CNTNAP5: variants seen among roughly 807,000 people sequenced by gnomAD.
CNTNAP5 encodes the protein contactin-associated protein-like 5.
CNTNAP5 carries 72 observed loss-of-function variants against 150.2 expected under a neutral mutation model. The observed-to-expected ratio is 0.48, with a 90% CI of 0.40 to 0.58. The LOEUF (loss-of-function observed/expected upper bound fraction) is 0.58. CNTNAP5 is among the 20% of genes least tolerant of loss of function. CNTNAP5 has a pLI of 0.00. For synonymous variants in CNTNAP5, 672 were observed against 619.8 expected (o/e 1.08, Z -1.25); for missense variants, 1,636 against 1,626.2 (o/e 1.01, Z -0.10).
intron 11 of CNTNAP5, among the ~76,000 whole-genome samples, chr2:124,585,978 C>T (rs1696527569): frequency 6.6e-6 from 1 of 152,076 alleles, no homozygotes; most frequent in Admixed American, 6.6e-5. Context: ...AAAGTGTGAA[C>T]CTCCTCACAC....
At chr2:124,811,681 C>T (rs1457291905) in intron 19 of CNTNAP5, among the ~76,000 whole-genome samples, 1 of 128,160 alleles carries the variant, frequency 7.8e-6, no homozygotes, top group Non-Finnish European at 1.6e-5. Flanking sequence ...GTGGCTCATG[C>T]CTGTAATCCC....
chr2:124,868,497 C>A (rs557671159), intron 20 of CNTNAP5, among the ~76,000 whole-genome samples: 3 of 152,246 alleles, frequency 2.0e-5, no homozygotes, highest in African/African-American at 7.2e-5. Flanking sequence ...TTCAAAAGGT[C>A]ATTCTCATTG....
chr2:124,287,362 T>C (rs1688181901), intron 3 of CNTNAP5, among the ~76,000 whole-genome samples: 1 of 152,186 alleles, frequency 6.6e-6, no homozygotes, highest in Non-Finnish European at 1.5e-5. Context: ...TTAGGGTTGA[T>C]AAAGGATTTG....
In CNTNAP5 at chr2:124,220,695, T is replaced by A. The variant is rs1174238591; in HGVS notation, c.83-1010T>A. 2.0e-5 allele frequency among the ~76,000 whole-genome samples: 3 copies of A among 152,096 alleles called. No homozygotes were observed. In the East Asian group the frequency reaches 5.8e-4, roughly 29 times the overall value. ...ATCTGGTGAGAGCTCTCTTGTTGCA[T>A]CATCATATGGCAGAAGACGAGAATG... On this transcript the variant is annotated intron_variant, in intron 1 of 23. Coordinates refer to ENST00000682447, the MANE Select transcript of CNTNAP5 (RefSeq NM_001367498.1).
At chr2:124,571,743 G>T (rs774494285) in intron 11 of CNTNAP5, among the ~76,000 whole-genome samples, 1 of 151,372 alleles carries the variant, frequency 6.6e-6, no homozygotes, top group Admixed American at 6.6e-5. Flanking sequence ...TGTAGATCAG[G>T]CTGGTCTCGA....
chr2:124,338,803 C>T (rs955562740), intron 3 of CNTNAP5, among the ~76,000 whole-genome samples: 6 of 152,044 alleles, frequency 3.9e-5, no homozygotes, highest in South Asian at 2.1e-4. Flanking sequence ...TTTCAAAGTG[C>T]TCCAAATACC....
intron 3 of CNTNAP5, among the ~76,000 whole-genome samples, chr2:124,414,720 T>C (rs564173116): frequency 3.9e-4 from 58 of 148,954 alleles, no homozygotes; most frequent in South Asian, 2.1e-3. Flanking sequence ...TATGTGTGTG[T>C]GCGTGTGTGT....
intron 6 of CNTNAP5, among the ~76,000 whole-genome samples, chr2:124,464,540 C>T (rs990463438): frequency 6.6e-6 from 1 of 152,140 alleles, no homozygotes; most frequent in African/African-American, 2.4e-5. Flanking sequence ...TGACAGACAT[C>T]AGAAGTTCCA....
At chr2:124,870,515 G>C (rs984442272) in intron 21 of CNTNAP5, among the ~76,000 whole-genome samples, 3 of 151,848 alleles carry the variant, frequency 2.0e-5, no homozygotes, top group African/African-American at 2.4e-5. Context: ...GCAAATGTAG[G>C]TCCTTCTACA....
At chr2:124,695,239 A>G (rs1679381867) in intron 13 of CNTNAP5, among the ~76,000 whole-genome samples, 1 of 152,212 alleles carries the variant, frequency 6.6e-6, no homozygotes, top group Admixed American at 6.5e-5. Flanking sequence ...CCTGAGCAGA[A>G]GTGTGCAGTA....
chr2:124,456,123 C>T (rs1357087096), intron 6 of CNTNAP5, among the ~76,000 whole-genome samples: 6 of 152,124 alleles, frequency 3.9e-5, no homozygotes, highest in Non-Finnish European at 4.4e-5. Context: ...GAAAGTCAAA[C>T]TTGTAGCTGT....
At position 124,408,660 on chromosome 2, in the gene CNTNAP5, C is replaced by A. The variant is rs575319392; in HGVS notation, c.382-8783C>A. On this transcript the variant is annotated intron_variant, in intron 3 of 23. Transcript: ENST00000682447. ...TCACAAGGCAGGGTATTCCAACAGA[C>A]CTGCAGCTGAGGGTCCTGTCTGTTA... Among the ~76,000 whole-genome samples, 208 of 151,866 alleles carry A rather than the reference C, an allele frequency of 1.4e-3. 2 individuals carry two copies. The South Asian group carries it at 0.021, about 15-fold the overall frequency.
chr2:124,649,503 T>G (rs1041400101), intron 13 of CNTNAP5, among the ~76,000 whole-genome samples: 1 of 152,182 alleles, frequency 6.6e-6, no homozygotes, highest in African/African-American at 2.4e-5. Context: ...ATTCTGACTA[T>G]GGGACTTCTT....
intron 1 of CNTNAP5, among the ~76,000 whole-genome samples, chr2:124,155,202 T>C (rs1015169469): frequency 6.6e-6 from 1 of 150,828 alleles, no homozygotes; most frequent in Non-Finnish European, 1.5e-5. Flanking sequence ...AAATGCAAAA[T>C]GAGTCTATTC....
At chr2:124,275,174 C>T (rs181823281) in intron 3 of CNTNAP5, among the ~76,000 whole-genome samples, 2 of 152,258 alleles carry the variant, frequency 1.3e-5, no homozygotes, top group East Asian at 3.9e-4. Flanking sequence ...TTACCTGACA[C>T]TGGGTCCCTC....
chr2:124,914,112 T>A lies in CNTNAP5; in HGVS notation c.3748T>A (p.Phe1250Ile). The A allele has an allele frequency of 6.2e-7, 1 of 1,611,950 alleles. No homozygotes were observed. The highest frequency in any genetic ancestry group is 8.5e-7 in the Non-Finnish European group (1 of 1,178,538). The change falls in exon 24 of 24, where the codon TTC becomes ATC. Residue 1250 changes from phenylalanine to isoleucine, a missense_variant. Coordinates refer to ENST00000682447, the MANE Select transcript of CNTNAP5 (RefSeq NM_001367498.1). ...TCCAGGGGTGATAGCAGTGGTGATA[T>A]TCATCATCTTCTGTATCATCGGCAT... ...VIGGVIAVVI[F>I]IIFCIIGIMT...
chr2:124,241,129 C>G (rs192507721), intron 2 of CNTNAP5, among the ~76,000 whole-genome samples: 3 of 152,224 alleles, frequency 2.0e-5, no homozygotes, highest in Non-Finnish European at 4.4e-5. Context: ...ATTTGTGAAA[C>G]TTGGGAACAG....
At chr2:124,308,256 C>G (rs955930928) in intron 3 of CNTNAP5, among the ~76,000 whole-genome samples, 3 of 152,160 alleles carry the variant, frequency 2.0e-5, no homozygotes, top group Admixed American at 1.3e-4. Flanking sequence ...TGTGACCTCA[C>G]ATACCTAAAC....
chr2:124,438,645 T>G (rs539536656), intron 5 of CNTNAP5, among the ~76,000 whole-genome samples: 1 of 152,300 alleles, frequency 6.6e-6, no homozygotes, highest in Admixed American at 6.5e-5. Context: ...CAGAGAAAGT[T>G]CTTTCCATTC....
Sources: allele counts gnomAD v4.1 joint callset (sites outside exome capture counted in the v4.1 genomes callset), GRCh38; gene constraint gnomAD v4.1.1; transcripts MANE v1.5; gene names NCBI Gene and HGNC (gene_info 2026-07-23, HGNC 2026-07-21).